MON2: variants seen among roughly 807,000 people sequenced by gnomAD.
The protein encoded by MON2 is protein MON2 homolog.
In MON2, 84 loss-of-function variants were observed where a neutral mutation model predicts 208.6. That is an observed-to-expected ratio of 0.40 (90% confidence interval 0.34 to 0.48). The LOEUF (loss-of-function observed/expected upper bound fraction) is 0.48, where lower values mean the gene tolerates loss of function less well. Ranked by LOEUF, MON2 falls within the 20% of genes least tolerant of loss-of-function variation. The pLI is 0.59. For missense variants in MON2, 1,611 were observed against 2,015.4 expected, an observed-to-expected ratio of 0.80 and a Z score of 3.84; for synonymous variants, 660 against 694.0, an observed-to-expected ratio of 0.95 and a Z score of 0.77.
chr12:62,560,834 A>C lies in MON2; in HGVS notation c.3753A>C (p.Gly1251=). 3 of 1,614,114 alleles carry C rather than the reference A, an allele frequency of 1.9e-6. No homozygotes were observed. The highest frequency in any genetic ancestry group is 2.5e-6 in the Non-Finnish European group (3 of 1,180,006). ...WAAWNTWYRI[G]SESTKPPITF... is the part of the protein sequence containing the mutation. ...CGTGGAATACCTGGTATAGAATTGG[A>C]TCTGAAAGTACTAAGCCTCCTATTA... Residue 1251 remains glycine (G), a synonymous_variant, in exon 26 of 35, where the codon GGA becomes GGC. Coordinates refer to ENST00000393630, the MANE Select transcript of MON2 (RefSeq NM_015026.3).
At chr12:62,539,782 C>A (rs893642604) in intron 19 of MON2, among the ~76,000 whole-genome samples, 5 of 151,804 alleles carry the variant, frequency 3.3e-5, no homozygotes, top group African/African-American at 1.2e-4. Flanking sequence ...TGCAGGAGGC[C>A]GAGGCAGGCA....
intron 19 of MON2, among the ~76,000 whole-genome samples, chr12:62,539,469 G>C (rs868620992): frequency 6.6e-6 from 1 of 151,608 alleles, no homozygotes. Context: ...AGGTTTCACT[G>C]TGTTAGCCAG....
intron 19 of MON2, among the ~76,000 whole-genome samples, chr12:62,539,897 A>T (rs2073156979): frequency 1.3e-5 from 2 of 152,016 alleles, no homozygotes; most frequent in Non-Finnish European, 2.9e-5. Flanking sequence ...TGAACCCAGG[A>T]GGCGGAGGTT....
chr12:62,585,908 C>T (rs2075206841), intron 33 of MON2, among the ~76,000 whole-genome samples: 2 of 152,078 alleles, frequency 1.3e-5, no homozygotes, highest in African/African-American at 2.4e-5. Context: ...GTTTGTTTTA[C>T]AGTCATTTGC....
intron 31 of MON2, among the ~76,000 whole-genome samples, chr12:62,579,622 A>G (rs1412497177): frequency 6.6e-6 from 1 of 151,154 alleles, no homozygotes; most frequent in Non-Finnish European, 1.5e-5. Flanking sequence ...GCTACTTGGG[A>G]GGCTGAGGCA....
intron 32 of MON2, among the ~76,000 whole-genome samples, chr12:62,581,809 G>A (rs1162221013): frequency 1.3e-5 from 2 of 152,074 alleles, no homozygotes; most frequent in Non-Finnish European, 2.9e-5. Context: ...CAGCCTGGGC[G>A]ACAGAGCGAG....
Position 62,560,875 on chromosome 12 carries a change from C to T in MON2, c.3794C>T (p.Thr1265Ile). 6.2e-7 allele frequency: 1 copy of T among 1,614,054 alleles called. No homozygotes were observed. Among genetic ancestry groups the T allele is most frequent in the Non-Finnish European group, 8.5e-7 (1 of 1,179,958 alleles). The change falls in exon 26 of 35, where the codon ACT becomes ATT. Residue 1265 changes from threonine (T) to isoleucine (I), a missense_variant. Thr to Ile is a moderately conservative substitution (Grantham distance 89). Coordinates refer to ENST00000393630, the MANE Select transcript of MON2 (RefSeq NM_015026.3). ...CCTCCTATTACTTTTGATAAACTAA[C>T]TTTTATTCCTAGCCAGCCTTTTCTT... The part of the protein sequence containing the change: ...TKPPITFDKL[T>I]FIPSQPFLTA...
At chr12:62,515,207 T>G (rs2071623848) in intron 8 of MON2, among the ~76,000 whole-genome samples, 1 of 152,238 alleles carries the variant, frequency 6.6e-6, no homozygotes, top group African/African-American at 2.4e-5. Context: ...TGTCGCATTT[T>G]TGTAATAGCC....
intron 9 of MON2, among the ~76,000 whole-genome samples, 171 bp downstream of exon 9, chr12:62,524,810 G>T (rs190457070): frequency 2.0e-5 from 3 of 152,236 alleles, no homozygotes; most frequent in Admixed American, 2.0e-4. Context: ...CGGGTAGGGC[G>T]TGTAGATGTG....
At chr12:62,518,126 T>C (rs1356068980) in intron 8 of MON2, among the ~76,000 whole-genome samples, 3 of 152,046 alleles carry the variant, frequency 2.0e-5, no homozygotes, top group African/African-American at 4.8e-5. Flanking sequence ...TGGTGGAGAG[T>C]AGAGACAGGA....
At chr12:62,489,828 A>G (rs1400840143) in intron 2 of MON2, among the ~76,000 whole-genome samples, 1 of 152,136 alleles carries the variant, frequency 6.6e-6, no homozygotes, top group Non-Finnish European at 1.5e-5. Flanking sequence ...CCACTAAAAT[A>G]CCTTTTAATG....
Position 62,598,396 on chromosome 12 carries a change from T to C in MON2, c.*5647T>C, listed in dbSNP as rs1317777147. On this transcript the variant is annotated 3_prime_UTR_variant, in exon 35 of 35. Transcript: ENST00000393630. ...TTATTTGGAAAATCATTGCAATATA[T>C]TAACAACTGCTTCCTTCTATGATGT... 2.0e-5 allele frequency: 3 copies of C among 152,212 alleles called. No homozygotes were observed. The highest frequency in any genetic ancestry group is 7.2e-5 in the African/African-American group (3 of 41,470). The allele number at this position is 152,212 out of a possible 1,614,324, so 9.4% of individuals were successfully genotyped here. A position where few individuals can be genotyped will look rare whatever the true frequency, so the allele number is the denominator to read the frequency against.
At chr12:62,538,812 A>C (rs1183249030) in intron 19 of MON2, among the ~76,000 whole-genome samples, 1 of 150,196 alleles carries the variant, frequency 6.7e-6, no homozygotes, top group African/African-American at 2.4e-5. Context: ...ATGTCATGAT[A>C]ATACTTGTAA....
intron 34 of MON2, 103 bp from the exon 35 acceptor site, chr12:62,592,483 C>G (rs1031732740): frequency 1.8e-4 from 156 of 860,310 alleles, no homozygotes; most frequent in Middle Eastern, 5.5e-4. Context: ...CTTCATGTTT[C>G]AGAGTTTTTT....
At position 62,497,676 on chromosome 12, in the gene MON2, G is replaced by A. The variant is rs375433566; in HGVS notation, c.436-1243G>A. ...GTTGCCTGGGCTGGAGTGCAGTGGCGCAATTTTGGCTCACTGCAACCTTCC... is the reference window on the plus strand; with the variant it reads ...GTTGCCTGGGCTGGAGTGCAGTGGCACAATTTTGGCTCACTGCAACCTTCC... On this transcript the variant is annotated intron_variant, in intron 4 of 34. Coordinates refer to ENST00000393630, the MANE Select transcript of MON2 (RefSeq NM_015026.3). Among the ~76,000 whole-genome samples, 355 of 152,026 alleles carry A rather than the reference G, an allele frequency of 2.3e-3. 2 individuals are homozygous for A. Among genetic ancestry groups the A allele is most frequent in the Non-Finnish European group, 3.9e-3 (262 of 67,986 alleles).
At chr12:62,531,820 A>T (rs1276696463) in intron 11 of MON2, among the ~76,000 whole-genome samples, 2 of 151,438 alleles carry the variant, frequency 1.3e-5, no homozygotes, top group East Asian at 3.9e-4. Flanking sequence ...CCCAGGCTGG[A>T]GTGCAGCGGC....
intron 29 of MON2, among the ~76,000 whole-genome samples, chr12:62,571,022 G>T (rs1439238983): frequency 6.6e-6 from 1 of 151,936 alleles, no homozygotes; most frequent in Non-Finnish European, 1.5e-5. Flanking sequence ...GAGCCACCAC[G>T]CTTGGCCAGA....
chr12:62,514,179 G>C lies in MON2; in HGVS notation c.984+5699G>C, dbSNP rs1440044348. On this transcript the variant is annotated intron_variant, in intron 8 of 34. Transcript: ENST00000393630. ...TTTTCCATGTCCTTATCAGCATTTT[G>C]GTCAAAGCCATTCAAGTCTCTAGGA... is the stretch of plus-strand genomic sequence containing the variant. 2.0e-5 allele frequency among the ~76,000 whole-genome samples: 3 copies of C among 152,082 alleles called. No individual in the cohort carries two copies. The East Asian group carries it at 5.8e-4, about 29-fold the overall frequency.
chr12:62,537,855 G>C, intron 16 of MON2, 149 bp downstream of exon 16: 1 of 708,334 alleles, frequency 1.4e-6, no homozygotes, highest in Non-Finnish European at 2.3e-6. Flanking sequence ...GGAAAAAGAT[G>C]TGACTCATAT....
Sources: allele counts gnomAD v4.1 joint callset (sites outside exome capture counted in the v4.1 genomes callset), GRCh38; gene constraint gnomAD v4.1.1; transcripts MANE v1.5; gene names NCBI Gene and HGNC (gene_info 2026-07-23, HGNC 2026-07-21).